Variants in EEIG2 observed in about 807,000 individuals in gnomAD.
EEIG2 encodes family with sequence similarity 102 member B.
the EEIG2 span, among the ~76,000 whole-genome samples, chr1:108,602,513 A>C: frequency 6.6e-6 from 1 of 152,246 alleles, no homozygotes; most frequent in South Asian, 2.1e-4. Context: ...TTCTCTGTCA[A>C]AATTTCCTGT....
At chr1:108,626,804 C>T in the EEIG2 span, 4 of 152,198 alleles carry the variant, frequency 2.6e-5, no homozygotes, top group African/African-American at 7.2e-5. Context: ...CGATCTGCTT[C>T]CCTACAAAGA....
chr1:108,612,235 C>A, the EEIG2 span: 1 of 1,613,658 alleles, frequency 6.2e-7, no homozygotes. Flanking sequence ...TACCACTCGC[C>A]GCTGTTTACT....
chr1:108,584,384 A>T, the EEIG2 span, among the ~76,000 whole-genome samples: 3 of 152,104 alleles, frequency 2.0e-5, no homozygotes, highest in African/African-American at 7.2e-5. Flanking sequence ...AAATTCCCAG[A>T]CTTTTCCTAA....
the EEIG2 span, among the ~76,000 whole-genome samples, chr1:108,608,543 A>C: frequency 6.6e-6 from 1 of 152,232 alleles, no homozygotes; most frequent in Admixed American, 6.5e-5. Flanking sequence ...ATAAGGAAAC[A>C]TAGACTTTCT....
At chr1:108,573,190 G>A in the EEIG2 span, among the ~76,000 whole-genome samples, 1 of 152,150 alleles carries the variant, frequency 6.6e-6, no homozygotes, top group Admixed American at 6.5e-5. Flanking sequence ...GATTTGTGAG[G>A]CAATGAGGGC....
the EEIG2 span, among the ~76,000 whole-genome samples, chr1:108,608,203 T>C: frequency 6.6e-6 from 1 of 152,182 alleles, no homozygotes; most frequent in Non-Finnish European, 1.5e-5. Context: ...CTGCCATGCT[T>C]ATATTTCTCC....
chr1:108,622,829 C>G, the EEIG2 span, among the ~76,000 whole-genome samples: 1 of 152,160 alleles, frequency 6.6e-6, no homozygotes, highest in Non-Finnish European at 1.5e-5. Context: ...TAAGAATTGC[C>G]ATAAAGCAGG....
At chr1:108,628,123 A>AT in the EEIG2 span, 2 of 1,544,398 alleles carry the variant, frequency 1.3e-6, no homozygotes, top group Non-Finnish European at 1.8e-6. Context: ...TTGACCATTA[A>AT]CTTTTTGGCA....
the EEIG2 span, among the ~76,000 whole-genome samples, chr1:108,598,221 C>A: frequency 6.6e-6 from 1 of 151,434 alleles, no homozygotes; most frequent in East Asian, 1.9e-4. Context: ...ATCCCAGCTA[C>A]TGTTCAGTAG....
the EEIG2 span, chr1:108,560,542 C>G: frequency 1.2e-6 from 2 of 1,611,026 alleles, no homozygotes; most frequent in Non-Finnish European, 1.7e-6. Context: ...TGGACGGCGG[C>G]AGCTTCACCG....
At chr1:108,563,312 C>T in the EEIG2 span, among the ~76,000 whole-genome samples, 1 of 152,138 alleles carries the variant, frequency 6.6e-6, no homozygotes, top group African/African-American at 2.4e-5. Context: ...GGCATTGAGT[C>T]TCTAATGAGT....
the EEIG2 span, among the ~76,000 whole-genome samples, chr1:108,622,324 G>T: frequency 6.6e-6 from 1 of 152,330 alleles, no homozygotes; most frequent in East Asian, 1.9e-4. Flanking sequence ...AAAGACCACA[G>T]TGACAGTAGC....
chr1:108,581,686 C>A, the EEIG2 span, among the ~76,000 whole-genome samples: 1 of 152,174 alleles, frequency 6.6e-6, no homozygotes, highest in African/African-American at 2.4e-5. Context: ...TTGCTGCAAT[C>A]TCATGATTAA....
chr1:108,637,507 TAAC>T, the EEIG2 span: 1 of 152,224 alleles, frequency 6.6e-6, no homozygotes, highest in Admixed American at 6.5e-5. Flanking sequence ...GTTTATTAAA[TAAC>T]AAGTTCACTT....
chr1:108,564,735 G>A, the EEIG2 span, among the ~76,000 whole-genome samples: 63 of 152,138 alleles, frequency 4.1e-4, no homozygotes, highest in Admixed American at 8.5e-4. Flanking sequence ...TTGAGCTCAG[G>A]AGTTTGAGAC....
the EEIG2 span, among the ~76,000 whole-genome samples, chr1:108,617,405 G>C: frequency 7.9e-5 from 12 of 152,280 alleles, no homozygotes; most frequent in African/African-American, 2.9e-4. Context: ...CTGGAAGAAT[G>C]GTGCTCTCAT....
At chr1:108,622,705 C>T in the EEIG2 span, among the ~76,000 whole-genome samples, 1 of 152,130 alleles carries the variant, frequency 6.6e-6, no homozygotes, top group African/African-American at 2.4e-5. Context: ...TTTAGGAGAT[C>T]CTAGGCTGGA....
chr1:108,633,628 A>G, the EEIG2 span, among the ~76,000 whole-genome samples: 2 of 151,836 alleles, frequency 1.3e-5, no homozygotes, highest in Non-Finnish European at 2.9e-5. Flanking sequence ...TCTGTATGTG[A>G]TTTGTCTTTT....
At chr1:108,609,006 A>T in the EEIG2 span, among the ~76,000 whole-genome samples, 1 of 152,114 alleles carries the variant, frequency 6.6e-6, no homozygotes, top group Non-Finnish European at 1.5e-5. Context: ...CACTCTCATG[A>T]CCTAATTACC....
Sources: allele counts gnomAD v4.1 joint callset (sites outside exome capture counted in the v4.1 genomes callset), GRCh38; gene constraint gnomAD v4.1.1; transcripts MANE v1.5; gene names NCBI Gene and HGNC (gene_info 2026-07-23, HGNC 2026-07-21).